Variants in IGHMBP2 observed in about 807,000 individuals in gnomAD.
The protein encoded by IGHMBP2 is immunoglobulin mu DNA binding protein 2.
IGHMBP2 carries 81 observed loss-of-function variants against 96.0 expected under a neutral mutation model. The observed-to-expected ratio is 0.84, with a 90% CI of 0.71 to 1.01. The LOEUF (loss-of-function observed/expected upper bound fraction) is 1.01. Ranked by LOEUF, IGHMBP2 falls within the 50% of genes least tolerant of loss-of-function variation. IGHMBP2 has a pLI of 0.00. For synonymous variants in IGHMBP2, 557 were observed against 548.9 expected (o/e 1.01, Z -0.21); for missense variants, 1,227 against 1,306.3 (o/e 0.94, Z 0.94).
chr11:68,914,382 T>C (rs1858564953), intron 5 of IGHMBP2, among the ~76,000 whole-genome samples: 2 of 152,178 alleles, frequency 1.3e-5, no homozygotes, highest in African/African-American at 4.8e-5. Context: ...AGGGTTCCCT[T>C]GTCCCCCTCG....
chr11:68,911,973 C>G (rs920326441), intron 5 of IGHMBP2, among the ~76,000 whole-genome samples: 3 of 152,220 alleles, frequency 2.0e-5, no homozygotes, highest in Admixed American at 2.0e-4. Flanking sequence ...GGTCTGTGCC[C>G]GTCAGGAGCT....
At chr11:68,911,002 C>T (rs1339759983) in intron 4 of IGHMBP2, among the ~76,000 whole-genome samples, 1 of 151,978 alleles carries the variant, frequency 6.6e-6, no homozygotes, top group Non-Finnish European at 1.5e-5. Context: ...ATTTTATGGG[C>T]ACTTTAAAGA....
At chr11:68,923,937 T>G (rs1353137084) in intron 7 of IGHMBP2, among the ~76,000 whole-genome samples, 1 of 152,164 alleles carries the variant, frequency 6.6e-6, no homozygotes, top group African/African-American at 2.4e-5. Flanking sequence ...CAGCCTTGTC[T>G]CCTCAACTCA....
chr11:68,909,133 G>A (rs939747821), intron 4 of IGHMBP2, among the ~76,000 whole-genome samples: 6 of 132,796 alleles, frequency 4.5e-5, no homozygotes, highest in Non-Finnish European at 7.8e-5. Flanking sequence ...GCCACCGTGC[G>A]CCTGGCCCCA....
chr11:68,930,180 C>A (rs1859230891), intron 8 of IGHMBP2: 2 of 1,221,410 alleles, frequency 1.6e-6, no homozygotes, highest in South Asian at 1.5e-5. Flanking sequence ...TTGGACAAGT[C>A]CCTGTTCAGA....
intron 1 of IGHMBP2, among the ~76,000 whole-genome samples, chr11:68,904,724 T>TA (rs912600040): frequency 1.3e-5 from 2 of 152,110 alleles, no homozygotes; most frequent in African/African-American, 2.4e-5. Flanking sequence ...AGCTAACACT[T>TA]ACGTACTTTC....
chr11:68,920,635 A>G (rs1006336027), intron 7 of IGHMBP2, among the ~76,000 whole-genome samples: 1 of 152,152 alleles, frequency 6.6e-6, no homozygotes. Context: ...GACACGTGCT[A>G]TCACACCCTG....
intron 12 of IGHMBP2, among the ~76,000 whole-genome samples, chr11:68,935,681 C>T (rs1859498821): frequency 1.3e-5 from 2 of 152,218 alleles, no homozygotes; most frequent in South Asian, 4.1e-4. Context: ...ATGATCAGGA[C>T]ATCCTGCCGA....
chr11:68,937,637 G>A (rs764701534), intron 13 of IGHMBP2: 13 of 233,470 alleles, frequency 5.6e-5, no homozygotes, highest in African/African-American at 1.6e-4. Context: ...CTGGCTAGGC[G>A]TGCAGTGGGA....
At chr11:68,920,703 G>A (rs1441061142) in intron 7 of IGHMBP2, among the ~76,000 whole-genome samples, 1 of 151,008 alleles carries the variant, frequency 6.6e-6, no homozygotes, top group African/African-American at 2.4e-5. Context: ...AGGCTGGTCT[G>A]GAGTTCCTGG....
At chr11:68,921,397 C>CTTTTT (rs1858872021) in intron 7 of IGHMBP2, among the ~76,000 whole-genome samples, 1 of 152,094 alleles carries the variant, frequency 6.6e-6, no homozygotes, top group South Asian at 2.1e-4. Flanking sequence ...CACTCCTGGC[C>CTTTTT]TATTTTTGTT....
chr11:68,924,889 C>T (rs893434617), intron 7 of IGHMBP2, among the ~76,000 whole-genome samples: 1 of 152,116 alleles, frequency 6.6e-6, no homozygotes, highest in African/African-American at 2.4e-5. Flanking sequence ...CCACATGTAG[C>T]CCAGGATACT....
At chr11:68,910,865 A>G (rs1363087033) in intron 4 of IGHMBP2, among the ~76,000 whole-genome samples, 2 of 140,108 alleles carry the variant, frequency 1.4e-5, no homozygotes, top group Non-Finnish European at 3.1e-5. Context: ...CCTGGGTGAC[A>G]AGCAAGACTC....
intron 8 of IGHMBP2, 42 bp from the exon 9 acceptor site, chr11:68,933,257 G>T: frequency 1.3e-6 from 2 of 1,581,198 alleles, no homozygotes; most frequent in East Asian, 2.3e-5. Flanking sequence ...CTGGACTCTG[G>T]GGCTCAGGCC....
chr11:68,930,510 GA>G, intron 8 of IGHMBP2: 1 of 1,268,378 alleles, frequency 7.9e-7, no homozygotes, highest in Non-Finnish European at 1.0e-6. Flanking sequence ...AAAGATGGTG[GA>G]AGAAAGAGGA....
chr11:68,908,522 C>A lies in IGHMBP2; in HGVS notation c.450-12C>A. 6.2e-7 allele frequency: 1 copy of A among 1,608,782 alleles called. No homozygotes were observed. Among genetic ancestry groups the A allele is most frequent in the South Asian group, 1.1e-5 (1 of 90,984 alleles). Reference sequence around the variant, plus strand: ...TTGCAGGTGTTCTAATTTTAGTTTTCTCCCTTGGCAGAGCCCTGATTGCTC... The same window carrying A: ...TTGCAGGTGTTCTAATTTTAGTTTTATCCCTTGGCAGAGCCCTGATTGCTC... On this transcript the variant is annotated splice_polypyrimidine_tract_variant and intron_variant, in intron 3 of 14. Transcript: ENST00000255078.
In IGHMBP2 at chr11:68,936,895, C is replaced by T. The variant is rs1429055770; in HGVS notation, c.2415C>T (p.Leu805=). ...CAGGGACCGGTGGCCCAGCCCCTCTCCAGCCAGTGCCCCCTACCCCTGCGC... is the reference window on the plus strand; with the variant it reads ...CAGGGACCGGTGGCCCAGCCCCTCTTCAGCCAGTGCCCCCTACCCCTGCGC... ...PPAGTGGPAP[L]QPVPPTPAQT... The change falls in exon 13 of 15, where the codon CTC becomes CTT. Residue 805 remains leucine (L), a synonymous_variant. Coordinates refer to ENST00000255078, the MANE Select transcript of IGHMBP2 (RefSeq NM_002180.3). 6.2e-7 allele frequency: 1 copy of T among 1,608,784 alleles called. No individual in the cohort carries two copies. The highest frequency in any genetic ancestry group is 8.5e-7 in the Non-Finnish European group (1 of 1,178,022).
Position 68,927,854 on chromosome 11 carries a change from C to T in IGHMBP2, c.1061-1329C>T, listed in dbSNP as rs190366400. Reference sequence around the variant, plus strand: ...AATGCCAACCCTGTTCTGCACCCCCCGGGGCTGGCAGGTGCTGGTTTTCAC... The same window carrying T: ...AATGCCAACCCTGTTCTGCACCCCCTGGGGCTGGCAGGTGCTGGTTTTCAC... On this transcript the variant is annotated intron_variant, in intron 7 of 14. Transcript: ENST00000255078. 7.2e-4 allele frequency among the ~76,000 whole-genome samples: 109 copies of T among 152,292 alleles called. 1 individual carries two copies. The highest frequency in any genetic ancestry group is 2.2e-3 in the Admixed American group (33 of 15,296).
Position 68,904,892 on chromosome 11 carries a change from G to A in IGHMBP2, c.86+854G>A, listed in dbSNP as rs900407389. On this transcript the variant is annotated intron_variant, in intron 1 of 14. Transcript: ENST00000255078. The stretch of plus-strand genomic sequence containing the variant: ...CGGCTTACTGCAGCTTCCATCTCCC[G>A]GGTTCAAGCGATTCTCCTGCCTCAG... Among the ~76,000 whole-genome samples the A allele has an allele frequency of 1.2e-4, 18 of 148,090 alleles. No individual in the cohort carries two copies. In the South Asian group the frequency reaches 3.4e-3, roughly 28 times the overall value.
Sources: gnomAD v4.1 joint callset for allele counts (sites outside exome capture counted in the v4.1 genomes callset) on GRCh38, gnomAD v4.1.1 for gene constraint, MANE v1.5 for transcripts, NCBI Gene and HGNC (gene_info 2026-07-23, HGNC 2026-07-21) for gene names.